The following CDK15 variants were observed in gnomAD, a reference collection of about 807,000 sequenced individuals.
The protein encoded by CDK15 is cyclin dependent kinase 15, also known as cyclin-dependent kinase 15.
A neutral mutation model predicts 60.3 loss-of-function variants in CDK15; 62 were observed. The observed-to-expected ratio is 1.03, with a 90% confidence interval of 0.84 to 1.27. The LOEUF (loss-of-function observed/expected upper bound fraction) is 1.27. Among genes scored for constraint, CDK15 ranks in the 50% most tolerant of loss-of-function variants. The pLI is 0.00. For synonymous variants in CDK15, 194 were observed against 195.7 expected, an observed-to-expected ratio of 0.99 and a Z score of 0.07; for missense variants, 541 against 527.8, an observed-to-expected ratio of 1.03 and a Z score of -0.25.
intron 4 of CDK15, among the ~76,000 whole-genome samples, chr2:201,813,666 T>TC (rs1396889771): frequency 1.3e-5 from 2 of 152,252 alleles, no homozygotes; most frequent in East Asian, 3.8e-4. Context: ...CAAGTTAGTC[T>TC]CAGTGTGACT....
chr2:201,888,495 G>C, intron 12 of CDK15: 9 of 1,534,566 alleles, frequency 5.9e-6, no homozygotes, highest in Non-Finnish European at 7.0e-6. Flanking sequence ...TGTCAGCCTC[G>C]GGAAGCTAAT....
intron 6 of CDK15, among the ~76,000 whole-genome samples, chr2:201,825,689 G>A (rs1267907329): frequency 6.6e-6 from 1 of 152,184 alleles, no homozygotes; most frequent in Admixed American, 6.5e-5. Flanking sequence ...TAGAGGAGCA[G>A]AGAATGTAGA....
chr2:201,835,341 C>T (rs1280138323), intron 7 of CDK15, among the ~76,000 whole-genome samples: 1 of 152,104 alleles, frequency 6.6e-6, no homozygotes, highest in Non-Finnish European at 1.5e-5. Flanking sequence ...AACCCTTAAC[C>T]CCTCCACTAA....
chr2:201,837,593 T>C (rs1417522446), intron 8 of CDK15, among the ~76,000 whole-genome samples: 1 of 152,044 alleles, frequency 6.6e-6, no homozygotes, highest in Non-Finnish European at 1.5e-5. Flanking sequence ...GTTACAATAG[T>C]GAGCATGGGC....
At chr2:201,873,530 GC>G (rs1275383656) in intron 11 of CDK15, among the ~76,000 whole-genome samples, 2 of 152,162 alleles carry the variant, frequency 1.3e-5, no homozygotes, top group African/African-American at 4.8e-5. Flanking sequence ...CCATGCTGCT[GC>G]TGCTGCAGCT....
chr2:201,870,750 C>A (rs1698824146), intron 10 of CDK15, among the ~76,000 whole-genome samples: 1 of 152,074 alleles, frequency 6.6e-6, no homozygotes, highest in African/African-American at 2.4e-5. Flanking sequence ...AAAATAATTA[C>A]ATTTCAGGCC....
intron 12 of CDK15, among the ~76,000 whole-genome samples, chr2:201,885,596 TGCATA>T (rs1207989259): frequency 1.3e-5 from 2 of 152,194 alleles, no homozygotes; most frequent in Admixed American, 1.3e-4. Flanking sequence ...TTTATGGGGT[TGCATA>T]GCATTGTGTT....
In CDK15 at chr2:201,889,302, G is replaced by A. The variant is rs368797624; in HGVS notation, c.1199-1483G>A. The A allele has an allele frequency of 8.4e-4, 829 of 985,410 alleles. 18 individuals are homozygous for A. The South Asian group carries it at 0.035, about 41-fold the overall frequency. The allele number at this position is 985,410 out of a possible 1,614,324, so 61.0% of individuals were successfully genotyped here. On this transcript the variant is annotated intron_variant, in intron 12 of 13. Transcript: ENST00000652192. ...AAATTGTGAACCTGGGAAAAGCAAT[G>A]CCCAAGTGGAAAGGGGCCCTGAGTA...
rs759021306 is a variant in CDK15, at chr2:201,810,682, AGT to A, written c.369-1797_369-1796del. Among the ~76,000 whole-genome samples, 14 of 152,262 alleles carry A rather than the reference AGT, an allele frequency of 9.2e-5. No individual in the cohort carries two copies. In the East Asian group the frequency reaches 2.5e-3, roughly 27 times the overall value. On this transcript the variant is annotated intron_variant, in intron 3 of 13. Coordinates refer to ENST00000652192, the MANE Select transcript of CDK15 (RefSeq NM_001366386.2). Reference sequence around the variant, plus strand: ...GTACAGCATAACTCTCCACTCCTTAAGTGTGGGTCATTCATAGTGGCATTTCT... The same window carrying A: ...GTACAGCATAACTCTCCACTCCTTAAGTGGGTCATTCATAGTGGCATTTCT...
intron 10 of CDK15, among the ~76,000 whole-genome samples, chr2:201,868,012 C>T (rs1216750366): frequency 6.6e-6 from 1 of 152,206 alleles, no homozygotes; most frequent in Non-Finnish European, 1.5e-5. Context: ...GGCTTGTGTT[C>T]ATGTTACCAT....
chr2:201,836,160 A>AT (rs1239631287), intron 8 of CDK15, among the ~76,000 whole-genome samples: 44 of 23,796 alleles, frequency 1.8e-3, no homozygotes, highest in South Asian at 6.1e-3. Context: ...TATTTTATAT[A>AT]TTTATATATT....
At position 201,822,900 on chromosome 2, in the gene CDK15, C is replaced by T. The variant is rs149000619; in HGVS notation, c.540C>T (p.Tyr180=). 4.4e-6 allele frequency: 7 copies of T among 1,591,956 alleles called. No homozygotes were observed. In the African/African-American group the frequency reaches 8.1e-5, roughly 18 times the overall value. ...AGACACTGACATTCGTTTTTGAATA[C>T]ATGGTGAGTTGTTCGAGCATTTTAC... ...TKETLTFVFE[Y]MHTDLAQYMS... Residue 180 remains tyrosine, a synonymous_variant, in exon 5 of 14, where the codon TAC becomes TAT. Coordinates refer to ENST00000652192, the MANE Select transcript of CDK15 (RefSeq NM_001366386.2).
rs573849502 is a variant in CDK15, at chr2:201,883,320, A to G, written c.1198+3153A>G. ...AAAGCATAAAGCCTGGGACTGGGAA[A>G]TACGTGGAGAGTGGAAGGACAGCCT... On this transcript the variant is annotated intron_variant, in intron 12 of 13. Transcript: ENST00000652192. 1.8e-4 allele frequency among the ~76,000 whole-genome samples: 27 copies of G among 152,348 alleles called. No individual in the cohort carries two copies. In the South Asian group the frequency reaches 3.3e-3, roughly 19 times the overall value.
intron 4 of CDK15, among the ~76,000 whole-genome samples, chr2:201,814,126 C>T (rs765295275): frequency 5.9e-5 from 9 of 152,206 alleles, no homozygotes; most frequent in Non-Finnish European, 1.2e-4. Context: ...ATATTGCCCA[C>T]AGCCAAGTTT....
intron 8 of CDK15, among the ~76,000 whole-genome samples, chr2:201,837,374 A>AGAGAGGGGGAGAAGGG (rs1697150297): frequency 9.4e-6 from 1 of 106,732 alleles, no homozygotes; most frequent in Admixed American, 9.7e-5. Flanking sequence ...GGAGAGGGGG[A>AGAGAGGGGGAGAAGGG]GAGAGGGGGA....
Position 201,895,507 on chromosome 2 carries a change from A to G in CDK15, c.*2240A>G, listed in dbSNP as rs1321488606. On this transcript the variant is annotated 3_prime_UTR_variant, in exon 14 of 14. Transcript: ENST00000652192. ...AGACTCTAAAACATTTAAATCTTTC[A>G]TTTCTCAATTTTATCAAATAAACAT... 1.3e-5 allele frequency: 2 copies of G among 152,172 alleles called. No individual in the cohort carries two copies. Among genetic ancestry groups the G allele is most frequent in the South Asian group, 2.1e-4 (1 of 4,830 alleles). 9.4% of individuals were successfully genotyped at this position (152,172 alleles called of 1,614,324 possible). A position where few individuals can be genotyped will look rare whatever the true frequency, so the allele number is the denominator to read the frequency against.
intron 11 of CDK15, among the ~76,000 whole-genome samples, chr2:201,873,822 G>C (rs959306625): frequency 7.9e-5 from 12 of 152,214 alleles, no homozygotes; most frequent in African/African-American, 2.2e-4. Context: ...GGAGGACGAG[G>C]TGGGCAGATC....
intron 8 of CDK15, among the ~76,000 whole-genome samples, chr2:201,844,945 T>C (rs1697580607): frequency 3.3e-5 from 5 of 152,170 alleles, no homozygotes; most frequent in Admixed American, 3.3e-4. Flanking sequence ...GGCCAAGAGT[T>C]TGAGACCAGC....
intron 11 of CDK15, among the ~76,000 whole-genome samples, chr2:201,876,823 G>A (rs1022357510): frequency 5.3e-5 from 8 of 151,926 alleles, no homozygotes; most frequent in Non-Finnish European, 8.8e-5. Flanking sequence ...TTTGAGACAG[G>A]GTCTAGTTCT....
Sources: allele counts gnomAD v4.1 joint callset (sites outside exome capture counted in the v4.1 genomes callset), GRCh38; gene constraint gnomAD v4.1.1; transcripts MANE v1.5; gene names NCBI Gene and HGNC (gene_info 2026-07-23, HGNC 2026-07-21).